MACROD2: variants seen among roughly 807,000 people sequenced by gnomAD.
The protein encoded by MACROD2 is mono-ADP ribosylhydrolase 2.
A neutral mutation model predicts 70.4 loss-of-function variants in MACROD2; 36 were observed. That is an observed-to-expected ratio of 0.51 (90% CI 0.39 to 0.68). The LOEUF is 0.68. Among genes scored for constraint, MACROD2 ranks in the 30% least tolerant of loss-of-function variants. The pLI is 0.00. For missense variants in MACROD2, 496 were observed against 538.4 expected (o/e 0.92, Z 0.78); for synonymous variants, 172 against 178.8 (o/e 0.96, Z 0.30).
chr20:14,187,163 G>A (rs1212560041), intron 3 of MACROD2, among the ~76,000 whole-genome samples: 2 of 148,116 alleles, frequency 1.4e-5, no homozygotes, highest in Non-Finnish European at 1.5e-5. Flanking sequence ...AAAAAGAAAT[G>A]TGGTAGATGT....
intron 6 of MACROD2, among the ~76,000 whole-genome samples, chr20:15,269,917 G>A (rs764855434): frequency 6.6e-6 from 1 of 152,092 alleles, no homozygotes; most frequent in Non-Finnish European, 1.5e-5. Context: ...TAGGCCCCCT[G>A]TAGGATAATA....
intron 6 of MACROD2, among the ~76,000 whole-genome samples, chr20:15,372,767 C>T (rs1336401630): frequency 6.6e-6 from 1 of 152,060 alleles, no homozygotes; most frequent in African/African-American, 2.4e-5. Flanking sequence ...CAAATCCCTC[C>T]CAGGCTGGAT....
chr20:15,621,216 T>A (rs2049120769), intron 8 of MACROD2, among the ~76,000 whole-genome samples: 1 of 152,226 alleles, frequency 6.6e-6, no homozygotes. Flanking sequence ...TTGAGTCATG[T>A]GCATTTGTTC....
intron 8 of MACROD2, among the ~76,000 whole-genome samples, chr20:15,849,640 G>T (rs2084081402): frequency 6.6e-6 from 1 of 152,120 alleles, no homozygotes; most frequent in Non-Finnish European, 1.5e-5. Context: ...AAGCAGCAAT[G>T]AATGACAATT....
At chr20:14,617,158 A>G (rs1475377979) in intron 4 of MACROD2, among the ~76,000 whole-genome samples, 1 of 152,164 alleles carries the variant, frequency 6.6e-6, no homozygotes, top group African/African-American at 2.4e-5. Context: ...GGCTATGATT[A>G]GAACTCAACC....
At chr20:15,015,839 T>C (rs562191296) in intron 5 of MACROD2, among the ~76,000 whole-genome samples, 116 of 152,332 alleles carry the variant, frequency 7.6e-4, no homozygotes, top group Middle Eastern at 3.4e-3. Flanking sequence ...AGCAGCAAGA[T>C]GGTTATTTGA....
intron 5 of MACROD2, among the ~76,000 whole-genome samples, chr20:14,707,121 A>G (rs1298311822): frequency 6.6e-6 from 1 of 152,122 alleles, no homozygotes; most frequent in Non-Finnish European, 1.5e-5. Flanking sequence ...CTCTGTTTGA[A>G]ATGTGTAACT....
intron 10 of MACROD2, among the ~76,000 whole-genome samples, chr20:15,930,278 AC>A (rs2065554937): frequency 6.6e-6 from 1 of 152,194 alleles, no homozygotes; most frequent in South Asian, 2.1e-4. Context: ...TCAAAGACTT[AC>A]GGGTAACTGT....
chr20:15,860,516 C>T (rs140033084), intron 8 of MACROD2, among the ~76,000 whole-genome samples: 1,988 of 152,008 alleles, frequency 0.013, 23 homozygotes, highest in Non-Finnish European at 0.02. Flanking sequence ...GCTTGAGAGT[C>T]GTTTATGTCT....
chr20:14,086,265 G>A (rs376293280), intron 3 of MACROD2: 1 of 331,622 alleles, frequency 3.0e-6, no homozygotes, highest in Non-Finnish European at 6.1e-6. Flanking sequence ...ATAATTAGTT[G>A]TCTAGTTAAT....
chr20:14,823,217 A>G (rs1257446030), intron 5 of MACROD2, among the ~76,000 whole-genome samples: 2 of 152,098 alleles, frequency 1.3e-5, no homozygotes, highest in Non-Finnish European at 2.9e-5. Context: ...CCCTATTTGT[A>G]ACTTGTTGAT....
At chr20:15,617,940 A>AAGCATG (rs2049061215) in intron 8 of MACROD2, among the ~76,000 whole-genome samples, 1 of 152,144 alleles carries the variant, frequency 6.6e-6, no homozygotes, top group African/African-American at 2.4e-5. Flanking sequence ...CATGGAAAAC[A>AAGCATG]AGCATGGAAC....
intron 5 of MACROD2, among the ~76,000 whole-genome samples, chr20:15,217,524 C>T (rs536681795): frequency 2.0e-5 from 3 of 152,212 alleles, no homozygotes; most frequent in African/African-American, 7.2e-5. Flanking sequence ...AATAATTACA[C>T]ATTCTATTGA....
rs985701190 is a variant in MACROD2, at chr20:14,420,181, C to G, written c.272-73298C>G. On this transcript the variant is annotated intron_variant, in intron 3 of 17. Transcript: ENST00000684519. ...ATATATGTTTAGAGTTTAGAGATTC[C>G]TCAAAAAGTTAAACATAGAACTACC... Among the ~76,000 whole-genome samples, 92 of 150,864 alleles carry G rather than the reference C, an allele frequency of 6.1e-4. 1 individual carries two copies. The highest frequency in any genetic ancestry group is 8.9e-5 in the Non-Finnish European group (6 of 67,706).
At chr20:15,464,273 CCCAACGTG>C (rs2046856290) in intron 7 of MACROD2, among the ~76,000 whole-genome samples, 1 of 152,092 alleles carries the variant, frequency 6.6e-6, no homozygotes, top group African/African-American at 2.4e-5. Context: ...GCTTCAGCCT[CCCAACGTG>C]TTGGGATTAC....
At chr20:14,097,835 G>C (rs543243762) in intron 3 of MACROD2, among the ~76,000 whole-genome samples, 1 of 152,228 alleles carries the variant, frequency 6.6e-6, no homozygotes, top group Non-Finnish European at 1.5e-5. Flanking sequence ...TAGCCTGAAG[G>C]TATTTTTATA....
At chr20:16,038,678 C>CTGGATCTCTGATGT (rs1198521807) in intron 15 of MACROD2, among the ~76,000 whole-genome samples, 1 of 151,940 alleles carries the variant, frequency 6.6e-6, no homozygotes, top group African/African-American at 2.4e-5. Flanking sequence ...TCTGCAATAC[C>CTGGATCTCTGATGT]TGGATCTCTG....
intron 7 of MACROD2, among the ~76,000 whole-genome samples, chr20:15,481,518 C>T (rs1379502649): frequency 2.0e-5 from 3 of 151,934 alleles, no homozygotes; most frequent in South Asian, 4.2e-4. Flanking sequence ...TACACATGTA[C>T]ACAATAGAGA....
intron 4 of MACROD2, among the ~76,000 whole-genome samples, chr20:14,571,677 T>C (rs905976372): frequency 1.3e-5 from 2 of 152,058 alleles, no homozygotes; most frequent in African/African-American, 4.8e-5. Context: ...AATTGGAATA[T>C]AGATAAGTAT....
Sources: gnomAD v4.1 joint callset for allele counts (sites outside exome capture counted in the v4.1 genomes callset) on GRCh38, gnomAD v4.1.1 for gene constraint, MANE v1.5 for transcripts, NCBI Gene and HGNC (gene_info 2026-07-23, HGNC 2026-07-21) for gene names.